CAPZA1: variants seen among roughly 807,000 people sequenced by gnomAD.
The protein encoded by CAPZA1 is F-actin-capping protein subunit alpha-1.
A neutral mutation model predicts 40.8 loss-of-function variants in CAPZA1; 10 were observed. The observed-to-expected ratio is 0.25, with a 90% CI of 0.15 to 0.42. The LOEUF (loss-of-function observed/expected upper bound fraction) is 0.42, where lower values mean the gene tolerates loss of function less well. Among genes scored for constraint, CAPZA1 ranks in the 10% least tolerant of loss-of-function variants. CAPZA1 has a pLI of 1.00. For missense variants in CAPZA1, 277 were observed against 353.8 expected (o/e 0.78, Z 1.74); for synonymous variants, 98 against 115.0 (o/e 0.85, Z 0.95).
intron 3 of CAPZA1, among the ~76,000 whole-genome samples, chr1:112,651,956 A>G (rs1671397834): frequency 6.6e-6 from 1 of 151,716 alleles, no homozygotes; most frequent in African/African-American, 2.4e-5. Flanking sequence ...CCCGATCTCT[A>G]AAGAAAATAC....
chr1:112,660,089 T>A (rs2101182195), intron 7 of CAPZA1, among the ~76,000 whole-genome samples: 1 of 152,132 alleles, frequency 6.6e-6, no homozygotes, highest in East Asian at 1.9e-4. Flanking sequence ...TAATAATTAT[T>A]ATTTTTTGGG....
chr1:112,660,723 A>G (rs1671590152), intron 7 of CAPZA1, among the ~76,000 whole-genome samples: 1 of 152,182 alleles, frequency 6.6e-6, no homozygotes, highest in Non-Finnish European at 1.5e-5. Flanking sequence ...TTAATATTTA[A>G]GCCTCACTAA....
At chr1:112,650,034 C>T (rs891836622) in intron 3 of CAPZA1, 2 of 151,854 alleles carry the variant, frequency 1.3e-5, no homozygotes, top group African/African-American at 4.8e-5. Context: ...TCTAAACTTG[C>T]TGTAGCTTTC....
At chr1:112,639,937 C>A (rs1671105748) in intron 1 of CAPZA1, among the ~76,000 whole-genome samples, 1 of 142,668 alleles carries the variant, frequency 7.0e-6, no homozygotes, top group African/African-American at 2.6e-5. Flanking sequence ...CCCCGCCCGG[C>A]CAGCCGCCCC....
At chr1:112,623,708 C>T (rs1344651617) in intron 1 of CAPZA1, among the ~76,000 whole-genome samples, 2 of 149,770 alleles carry the variant, frequency 1.3e-5, no homozygotes, top group African/African-American at 2.4e-5. Context: ...AAAAGAAAGC[C>T]CGGGCGCGGT....
intron 2 of CAPZA1, among the ~76,000 whole-genome samples, chr1:112,647,958 T>C (rs986214231): frequency 6.6e-5 from 10 of 152,244 alleles, no homozygotes; most frequent in Non-Finnish European, 1.3e-4. Flanking sequence ...TTATTAAGTT[T>C]GTCTTAAAGA....
At chr1:112,637,934 G>C (rs1408838042) in intron 1 of CAPZA1, among the ~76,000 whole-genome samples, 2 of 152,204 alleles carry the variant, frequency 1.3e-5, no homozygotes, top group Non-Finnish European at 2.9e-5. Flanking sequence ...GACTCCCAAA[G>C]CCCATCTGCC....
intron 1 of CAPZA1, among the ~76,000 whole-genome samples, chr1:112,623,053 T>G (rs1220063560): frequency 6.6e-6 from 1 of 152,010 alleles, no homozygotes. Flanking sequence ...ACCCGGCTAA[T>G]TTTTTGTATT....
chr1:112,668,962 A>G (rs1671776452), intron 8 of CAPZA1, among the ~76,000 whole-genome samples: 1 of 152,234 alleles, frequency 6.6e-6, no homozygotes, highest in African/African-American at 2.4e-5. Flanking sequence ...CTGCAGCTCT[A>G]GATATTAAAT....
chr1:112,663,179 T>C (rs1671654905), intron 7 of CAPZA1, among the ~76,000 whole-genome samples: 1 of 152,100 alleles, frequency 6.6e-6, no homozygotes, highest in South Asian at 2.1e-4. Context: ...TTAGCCAGGA[T>C]GATCTTGATC....
chr1:112,663,327 C>T (rs1267352601), intron 7 of CAPZA1, among the ~76,000 whole-genome samples: 1 of 152,146 alleles, frequency 6.6e-6, no homozygotes, highest in Non-Finnish European at 1.5e-5. Flanking sequence ...AAAAAACAAA[C>T]AAAACTGATA....
intron 1 of CAPZA1, among the ~76,000 whole-genome samples, chr1:112,630,964 G>A (rs1454802607): frequency 6.6e-6 from 1 of 152,160 alleles, no homozygotes; most frequent in African/African-American, 2.4e-5. Context: ...GGTAGTGGCT[G>A]TCAACCCTGA....
At chr1:112,659,509 C>A in intron 6 of CAPZA1, 192 bp from the exon 7 acceptor site, 1 of 577,330 alleles carries the variant, frequency 1.7e-6, no homozygotes, top group Non-Finnish European at 3.1e-6. Context: ...ATGGTCAGGC[C>A]ACTTAGATCC....
chr1:112,663,818 A>T (rs1671666535), intron 7 of CAPZA1, among the ~76,000 whole-genome samples: 1 of 152,060 alleles, frequency 6.6e-6, no homozygotes. Flanking sequence ...GTAGATTCTT[A>T]TATTGTCTTT....
At chr1:112,622,407 TCA>T (rs756739170) in intron 1 of CAPZA1, among the ~76,000 whole-genome samples, 5 of 152,226 alleles carry the variant, frequency 3.3e-5, no homozygotes, top group Admixed American at 1.3e-4. Flanking sequence ...AGCTTTGAGT[TCA>T]CAGTTTCTGA....
intron 1 of CAPZA1, among the ~76,000 whole-genome samples, chr1:112,627,636 CAAAAAAAAAAAA>C (rs3034524): frequency 7.9e-5 from 4 of 50,776 alleles, no homozygotes; most frequent in African/African-American, 1.6e-4. Context: ...GACTCTGTCT[CAAAAAAAAAAAA>C]AAAAAAAAAA....
intron 8 of CAPZA1, among the ~76,000 whole-genome samples, chr1:112,668,706 GAACTCCTGAC>G (rs972140317): frequency 1.8e-4 from 27 of 152,174 alleles, no homozygotes; most frequent in African/African-American, 5.5e-4. Flanking sequence ...GGCTTGTCTT[GAACTCCTGAC>G]CTCACCTGCC....
At chr1:112,638,424 C>T (rs1243484723) in intron 1 of CAPZA1, among the ~76,000 whole-genome samples, 1 of 152,106 alleles carries the variant, frequency 6.6e-6, no homozygotes, top group East Asian at 1.9e-4. Flanking sequence ...AAGCAGTTCT[C>T]CTGCCTCAGC....
At chr1:112,636,329 A>C (rs1265430066) in intron 1 of CAPZA1, among the ~76,000 whole-genome samples, 1 of 152,190 alleles carries the variant, frequency 6.6e-6, no homozygotes, top group African/African-American at 2.4e-5. Flanking sequence ...TCCCCCTTTT[A>C]GAGGTAAGAG....
Sources: gnomAD v4.1 joint callset for allele counts (sites outside exome capture counted in the v4.1 genomes callset) on GRCh38, gnomAD v4.1.1 for gene constraint, MANE v1.5 for transcripts, NCBI Gene and HGNC (gene_info 2026-07-23, HGNC 2026-07-21) for gene names.